TENM3: variants seen among roughly 807,000 people sequenced by gnomAD.
TENM3 encodes the protein teneurin-3.
TENM3 carries 63 observed loss-of-function variants against 255.1 expected under a neutral mutation model. The observed-to-expected ratio is 0.25, with a 90% CI of 0.20 to 0.30. The LOEUF (loss-of-function observed/expected upper bound fraction) is 0.30. Ranked by LOEUF, TENM3 falls within the 10% of genes least tolerant of loss-of-function variation. The pLI is 1.00. For missense variants in TENM3, 2,929 were observed against 3,461.1 expected (o/e 0.85, Z 3.86); for synonymous variants, 1,306 against 1,322.3 (o/e 0.99, Z 0.27).
chr4:182,582,500 T>G (rs7698390), intron 3 of TENM3, among the ~76,000 whole-genome samples: 34 of 152,220 alleles, frequency 2.2e-4, no homozygotes, highest in African/African-American at 7.7e-4. Flanking sequence ...ATTTCTGTTG[T>G]GTATTCCACC....
In TENM3 at chr4:182,733,706, C is replaced by T. The variant is rs796866057; in HGVS notation, c.2967+2567C>T. ...AAAAGGCTGACAGGCAAAGATGTTG[C>T]AATAGCAACACCTCAGGGATTCATT... On this transcript the variant is annotated intron_variant, in intron 16 of 27. Transcript: ENST00000511685. Among the ~76,000 whole-genome samples, 6 of 152,320 alleles carry T rather than the reference C, an allele frequency of 3.9e-5. 1 individual carries two copies. The highest frequency in any genetic ancestry group is 1.4e-4 in the African/African-American group (6 of 41,564).
rs2149797927 is a variant in TENM3 at position 182,194,165 on chromosome 4, A to G, written c.-76+49411A>G. 3.9e-5 allele frequency among the ~76,000 whole-genome samples: 6 copies of G among 152,348 alleles called. 1 individual carries two copies. The Middle Eastern group carries it at 0.017, about 432-fold the overall frequency. On this transcript the variant is annotated intron_variant, in intron 1 of 2. Coordinates refer to the TENM3 transcript ENST00000512480. Reference sequence around the variant, plus strand: ...CCTGGTGTACTTCACCAGTTTCAAGACTTTGAAGTTCCTTAAATAATTTAT... The same window carrying G: ...CCTGGTGTACTTCACCAGTTTCAAGGCTTTGAAGTTCCTTAAATAATTTAT...
chr4:182,185,317 G>A (rs1276755805), intron 1 of TENM3, among the ~76,000 whole-genome samples: 3 of 152,142 alleles, frequency 2.0e-5, no homozygotes, highest in Non-Finnish European at 4.4e-5. Flanking sequence ...AGGCACCATA[G>A]CATAAATAGA....
the TENM3 span, among the ~76,000 whole-genome samples, chr4:181,468,131 AC>A: frequency 2.2e-5 from 3 of 135,254 alleles, no homozygotes; most frequent in South Asian, 8.3e-4. Flanking sequence ...CCCCATCTGT[AC>A]AAAAAAAAAA....
chr4:182,394,755 A>G (rs1768683474), intron 3 of TENM3, among the ~76,000 whole-genome samples: 1 of 152,216 alleles, frequency 6.6e-6, no homozygotes, highest in Admixed American at 6.5e-5. Flanking sequence ...GAACCAGAAT[A>G]TTCTTAAAGC....
the TENM3 span, among the ~76,000 whole-genome samples, chr4:181,839,649 T>C: frequency 6.6e-6 from 1 of 150,998 alleles, no homozygotes; most frequent in Non-Finnish European, 1.5e-5. Context: ...AAAATCGAAT[T>C]TTAGATCGAG....
chr4:181,852,496 A>C, the TENM3 span, among the ~76,000 whole-genome samples: 4 of 152,184 alleles, frequency 2.6e-5, no homozygotes, highest in Non-Finnish European at 5.9e-5. Flanking sequence ...AAATCAAAAA[A>C]CAAAATCTGG....
At chr4:182,417,218 C>T (rs367692509) in intron 3 of TENM3, among the ~76,000 whole-genome samples, 11 of 151,882 alleles carry the variant, frequency 7.2e-5, no homozygotes, top group South Asian at 2.1e-4. Context: ...CCTCGTGATC[C>T]GCTCGTCTCG....
chr4:182,386,937 C>A (rs1349825432), intron 3 of TENM3, among the ~76,000 whole-genome samples: 1 of 152,236 alleles, frequency 6.6e-6, no homozygotes, highest in African/African-American at 2.4e-5. Flanking sequence ...GGAGTGCGAG[C>A]ACATGGCGCG....
chr4:181,504,824 C>T, the TENM3 span, among the ~76,000 whole-genome samples: 1 of 152,184 alleles, frequency 6.6e-6, no homozygotes, highest in Admixed American at 6.5e-5. Flanking sequence ...TCAAGACAAT[C>T]CCCGAAGTAT....
chr4:182,132,065 G>A, the TENM3 span, among the ~76,000 whole-genome samples: 1 of 152,286 alleles, frequency 6.6e-6, no homozygotes, highest in African/African-American at 2.4e-5. Context: ...ATGAATAATG[G>A]AGGAGGGAAC....
the TENM3 span, among the ~76,000 whole-genome samples, chr4:181,718,740 G>A: frequency 1.3e-5 from 2 of 152,122 alleles, no homozygotes; most frequent in Non-Finnish European, 2.9e-5. Context: ...AATTGTAGTG[G>A]AATGTGTCCA....
chr4:182,618,954 G>A (rs952937502), intron 4 of TENM3, among the ~76,000 whole-genome samples: 1 of 151,686 alleles, frequency 6.6e-6, no homozygotes, highest in Non-Finnish European at 1.5e-5. Context: ...GGTGGGGGTT[G>A]GGAGCAGGAA....
At chr4:181,848,243 G>A in the TENM3 span, among the ~76,000 whole-genome samples, 16 of 152,170 alleles carry the variant, frequency 1.1e-4, no homozygotes. Flanking sequence ...ACGTCCAAGT[G>A]CACGGAGTTG....
At chr4:181,601,943 G>T in the TENM3 span, among the ~76,000 whole-genome samples, 1 of 151,966 alleles carries the variant, frequency 6.6e-6, no homozygotes, top group South Asian at 2.1e-4. Flanking sequence ...ACCTCTTCTA[G>T]GTATCCTCTT....
chr4:182,564,923 C>T (rs928290052), intron 3 of TENM3, among the ~76,000 whole-genome samples: 1 of 152,176 alleles, frequency 6.6e-6, no homozygotes, highest in African/African-American at 2.4e-5. Flanking sequence ...CAGCTCATTA[C>T]AACATGACAG....
intron 3 of TENM3, among the ~76,000 whole-genome samples, chr4:182,516,977 G>A (rs1375843961): frequency 6.6e-6 from 1 of 151,874 alleles, no homozygotes; most frequent in South Asian, 2.1e-4. Flanking sequence ...CATCCTCTTT[G>A]GAGTAGGAAG....
the TENM3 span, among the ~76,000 whole-genome samples, chr4:181,797,633 C>T: frequency 6.6e-6 from 1 of 152,094 alleles, no homozygotes; most frequent in Admixed American, 6.5e-5. Flanking sequence ...AGGACTTGAG[C>T]CCAAGAAAGA....
Position 182,680,598 on chromosome 4 carries a change from G to T in TENM3, c.1695G>T (p.Leu565=), listed in dbSNP as rs1410034688. 6.2e-7 allele frequency: 1 copy of T among 1,613,862 alleles called. No individual in the cohort carries two copies. Among genetic ancestry groups the T allele is most frequent in the South Asian group, 1.1e-5 (1 of 91,062 alleles). The stretch of plus-strand genomic sequence containing the variant: ...GGCAGTACTCCAAGGGCCGCTGCCT[G>T]TGTTTCAGCGGCTGGAAGGGCACCG... The part of the protein sequence containing the change: ...GNGQYSKGRC[L]CFSGWKGTEC... Residue 565 remains leucine (L), a synonymous_variant, in exon 10 of 28, where the codon CTG becomes CTT. Coordinates refer to ENST00000511685, the MANE Select transcript of TENM3 (RefSeq NM_001080477.4).
Sources: allele counts gnomAD v4.1 joint callset (sites outside exome capture counted in the v4.1 genomes callset), GRCh38; gene constraint gnomAD v4.1.1; transcripts MANE v1.5; gene names NCBI Gene and HGNC (gene_info 2026-07-23, HGNC 2026-07-21).